Variants in MTRR observed in about 807,000 individuals in gnomAD.
The protein encoded by MTRR is methionine synthase reductase.
A neutral mutation model predicts 79.2 loss-of-function variants in MTRR; 63 were observed. The observed-to-expected ratio is 0.80, with a 90% CI of 0.65 to 0.98. MTRR has a LOEUF of 0.98. Among genes scored for constraint, MTRR ranks in the 50% least tolerant of loss-of-function variants. The pLI, the probability that MTRR is intolerant of heterozygous loss-of-function variation, is 0.00. For synonymous variants in MTRR, 355 were observed against 313.3 expected, an observed-to-expected ratio of 1.13 and a Z score of -1.41; for missense variants, 895 against 839.6, an observed-to-expected ratio of 1.07 and a Z score of -0.82.
At chr5:7,883,073 CTG>C in intron 5 of MTRR, 80 bp from the exon 6 acceptor site, 1 of 1,589,892 alleles carries the variant, frequency 6.3e-7, no homozygotes, top group African/African-American at 1.3e-5. Flanking sequence ...TTGTAAGCCC[CTG>C]TGGATCTTGC....
At chr5:7,891,084 T>C (rs556128905) in intron 9 of MTRR, among the ~76,000 whole-genome samples, 4 of 152,164 alleles carry the variant, frequency 2.6e-5, no homozygotes, top group Non-Finnish European at 5.9e-5. Context: ...AGCCAACTTA[T>C]GGACCCATTC....
chr5:7,900,345 T>A lies in MTRR; in HGVS notation c.*287T>A. ...CTTCAGTCCCTATCAGCGCCTCCTT[T>A]ACTTCCCAGAGAACTTCACAGAGAC... On this transcript the variant is annotated 3_prime_UTR_variant, in exon 15 of 15. Coordinates refer to ENST00000440940, the MANE Select transcript of MTRR (RefSeq NM_002454.3). 2.6e-6 allele frequency: 1 copy of A among 384,682 alleles called. No individual in the cohort carries two copies. Among genetic ancestry groups the A allele is most frequent in the Non-Finnish European group, 4.8e-6 (1 of 209,462 alleles). The allele number at this position is 384,682 out of a possible 1,614,324, so 23.8% of individuals were successfully genotyped here. A position where few individuals can be genotyped will look rare whatever the true frequency, so the allele number is the denominator to read the frequency against.
intron 11 of MTRR, 97 bp from the exon 12 acceptor site, chr5:7,895,637 A>AT (rs35657622): frequency 6.7e-7 from 1 of 1,492,038 alleles, no homozygotes; most frequent in African/African-American, 1.4e-5. Flanking sequence ...TTTGATGGGA[A>AT]TTTTCCCTTT....
At position 7,889,104 on chromosome 5, in the gene MTRR, C is replaced by T. The variant is rs1421007019; in HGVS notation, c.1156C>T (p.Arg386Ter). 6.2e-6 allele frequency: 10 copies of T among 1,613,952 alleles called. No individual in the cohort carries two copies. Among genetic ancestry groups the T allele is most frequent in the Non-Finnish European group, 8.5e-6 (10 of 1,180,028 alleles). Reference protein sequence around the residue: ...IRAIPKKAFLRALVDYTSDSA... With the variant: ...IRAIPKKAFL ...GGGCTCCTTTTTGTAGGCATTTTTG[C>T]GAGCCCTTGTGGACTATACCAGTGA... Residue 386 changes from arginine (R) to a stop codon, truncating the protein, a stop_gained, in exon 9 of 15, where the codon CGA becomes TGA. Coordinates refer to ENST00000440940, the MANE Select transcript of MTRR (RefSeq NM_002454.3). LOFTEE classifies it high-confidence loss of function.
chr5:7,866,764 G>C (rs767650257), upstream of MTRR: 1 of 1,614,100 alleles, frequency 6.2e-7, no homozygotes, highest in Non-Finnish European at 8.5e-7. Context: ...GAAAATAATT[G>C]AAATGAGTGA....
chr5:7,875,176 T>C (rs1239964287), intron 3 of MTRR, 82 bp from the exon 4 acceptor site: 48 of 921,260 alleles, frequency 5.2e-5, no homozygotes, highest in Non-Finnish European at 7.4e-5. Context: ...AATAGTATTA[T>C]TTTAGATATT....
chr5:7,900,017 T>G lies in MTRR; in HGVS notation c.2056T>G (p.Leu686Val), dbSNP rs1739224029. The part of the protein sequence containing the change: ...KLEAMKTLAT[L>V]KEEKRYLQDI... ...AGAAGCAATGAAAACCCTGGCCACT[T>G]TAAAAGAAGAAAAACGCTACCTTCA... The change falls in exon 15 of 15, where the codon TTA (leucine) becomes GTA (valine). Residue 686 changes from leucine (L) to valine (V), a missense_variant. By Grantham distance (32) the Leu-to-Val change is conservative. Transcript: ENST00000440940. 1.2e-6 allele frequency: 2 copies of G among 1,613,862 alleles called. No homozygotes were observed. Among genetic ancestry groups the G allele is most frequent in the East Asian group, 4.5e-5 (2 of 44,856 alleles).
chr5:7,854,298 G>A (rs370718250), intron 1 of MTRR, among the ~76,000 whole-genome samples: 5 of 151,830 alleles, frequency 3.3e-5, no homozygotes, highest in African/African-American at 1.2e-4. Flanking sequence ...GTATTAGTGA[G>A]GGTTCCCTCA....
chr5:7,870,519 C>G, intron 1 of MTRR: 2 of 448,016 alleles, frequency 4.5e-6, no homozygotes, highest in Non-Finnish European at 8.3e-6. Context: ...CAGATTCAAG[C>G]CCAAGTAGTT....
chr5:7,893,983 A>G (rs562565997), intron 11 of MTRR, among the ~76,000 whole-genome samples: 2 of 152,324 alleles, frequency 1.3e-5, no homozygotes, highest in South Asian at 2.1e-4. Flanking sequence ...ATATACAAGT[A>G]TATGTCACTT....
chr5:7,888,163 T>TA (rs1736945549), intron 8 of MTRR, among the ~76,000 whole-genome samples: 1 of 152,166 alleles, frequency 6.6e-6, no homozygotes, highest in Non-Finnish European at 1.5e-5. Flanking sequence ...TTTGAACACT[T>TA]ACTTGAAGTA....
At chr5:7,878,917 T>C (rs1579665620) in intron 5 of MTRR, among the ~76,000 whole-genome samples, 1 of 152,348 alleles carries the variant, frequency 6.6e-6, no homozygotes, top group Middle Eastern at 3.4e-3. Flanking sequence ...CACATGGACT[T>C]TTCTTACAAA....
intron 3 of MTRR, among the ~76,000 whole-genome samples, chr5:7,873,899 C>G (rs1485403641): frequency 2.6e-5 from 4 of 152,178 alleles, no homozygotes; most frequent in Admixed American, 1.3e-4. Flanking sequence ...AAAACACTCC[C>G]AATGATTTTG....
chr5:7,867,741 C>T (rs868466752), upstream of MTRR: 3 of 1,614,214 alleles, frequency 1.9e-6, no homozygotes, highest in African/African-American at 2.7e-5. Flanking sequence ...AAACTTAGCA[C>T]TTCTTCTGAT....
chr5:7,881,874 C>G (rs904289060), intron 5 of MTRR, among the ~76,000 whole-genome samples: 4 of 152,168 alleles, frequency 2.6e-5, no homozygotes, highest in Non-Finnish European at 5.9e-5. Context: ...GATGCATTTG[C>G]TTCCACTGGC....
upstream of MTRR, chr5:7,868,974 C>A (rs754287661): frequency 4.8e-6 from 4 of 825,208 alleles, no homozygotes; most frequent in South Asian, 2.7e-5. Flanking sequence ...CGCGTTGACA[C>A]CTACCGCGCT....
At chr5:7,859,399 C>T in intron 1 of MTRR, 1 of 1,346,416 alleles carries the variant, frequency 7.4e-7, no homozygotes, top group Non-Finnish European at 1.0e-6. Flanking sequence ...CATAAAAATG[C>T]AAGTTCTTCC....
chr5:7,865,170 C>T (rs1000390070), upstream of MTRR, among the ~76,000 whole-genome samples: 2 of 152,000 alleles, frequency 1.3e-5, no homozygotes, highest in South Asian at 2.1e-4. Flanking sequence ...TACATTTGGG[C>T]GTAGAAACTG....
rs189485038 is a variant in MTRR, at chr5:7,897,272, G to A, written c.1952+25G>A. ...GGTGAGTCATTATCGTGCCTAAGTC[G>A]GGTAGGAGAGGGCCATCAGTGATGT... On this transcript the variant is annotated intron_variant, in intron 14 of 14. Coordinates refer to ENST00000440940, the MANE Select transcript of MTRR (RefSeq NM_002454.3). 30 of 1,612,052 alleles carry A rather than the reference G, an allele frequency of 1.9e-5. No individual in the cohort carries two copies. The East Asian group carries it at 2.2e-4, about 12-fold the overall frequency.
Sources: allele counts gnomAD v4.1 joint callset (sites outside exome capture counted in the v4.1 genomes callset), GRCh38; gene constraint gnomAD v4.1.1; transcripts MANE v1.5; gene names NCBI Gene and HGNC (gene_info 2026-07-23, HGNC 2026-07-21).